The following VANGL2 variants were observed in gnomAD, a reference collection of about 807,000 sequenced individuals.
VANGL2 encodes vang-like protein 2.
A neutral mutation model predicts 50.2 loss-of-function variants in VANGL2; 14 were observed. The ratio of observed to expected loss-of-function variants is 0.28; its 90% CI spans 0.18 to 0.44. The LOEUF (loss-of-function observed/expected upper bound fraction) is 0.44, where lower values mean the gene tolerates loss of function less well. Among genes scored for constraint, VANGL2 ranks in the 20% least tolerant of loss-of-function variants. The probability of loss-of-function intolerance (pLI) is 1.00; values close to 1 mark genes in which losing one functional copy is unlikely to be tolerated. For missense variants in VANGL2, 533 were observed against 701.5 expected (o/e 0.76, Z 2.71); for synonymous variants, 295 against 297.2 (o/e 0.99, Z 0.08).
intron 1 of VANGL2, among the ~76,000 whole-genome samples, chr1:160,403,468 CCT>C (rs1178910318): frequency 1.3e-5 from 2 of 152,276 alleles, no homozygotes; most frequent in African/African-American, 2.4e-5. Flanking sequence ...CCGGGGCAGG[CCT>C]CTCTGGTGTG....
intron 4 of VANGL2, 140 bp from the exon 5 acceptor site, chr1:160,420,271 C>A: frequency 1.8e-6 from 2 of 1,134,520 alleles, no homozygotes; most frequent in Non-Finnish European, 2.6e-6. Flanking sequence ...AGACCTCAGG[C>A]CCGGAGTCAG....
chr1:160,411,824 G>C (rs1176235969), intron 1 of VANGL2, among the ~76,000 whole-genome samples: 2 of 152,068 alleles, frequency 1.3e-5, no homozygotes, highest in Non-Finnish European at 1.5e-5. Context: ...AATGGCATCA[G>C]TTTACCTTCT....
chr1:160,410,365 T>G lies in VANGL2; in HGVS notation c.-190-5283T>G, dbSNP rs375876034. Among the ~76,000 whole-genome samples, 39 of 152,238 alleles carry G rather than the reference T, an allele frequency of 2.6e-4. No homozygotes were observed. In the South Asian group the frequency reaches 4.8e-3, roughly 19 times the overall value. On this transcript the variant is annotated intron_variant, in intron 1 of 7. Transcript: ENST00000368061. ...CTGTCCCTGCCCCCCTTTTCTTCCGTGGCCTACTCACCCTGGTTTCCACAG... is the reference window on the plus strand; with the variant it reads ...CTGTCCCTGCCCCCCTTTTCTTCCGGGGCCTACTCACCCTGGTTTCCACAG...
intron 1 of VANGL2, among the ~76,000 whole-genome samples, chr1:160,403,068 G>C (rs1418793199): frequency 6.6e-6 from 1 of 152,096 alleles, no homozygotes; most frequent in Non-Finnish European, 1.5e-5. Context: ...AAGGCCTGGA[G>C]ATAAGAGTAG....
chr1:160,418,962 T>G, intron 3 of VANGL2, 40 bp from the exon 4 acceptor site: 2 of 1,581,054 alleles, frequency 1.3e-6, no homozygotes, highest in Non-Finnish European at 1.7e-6. Context: ...CTTCTTATCC[T>G]TTCCTCCTTA....
intron 3 of VANGL2, among the ~76,000 whole-genome samples, chr1:160,418,463 T>G (rs551222075): frequency 8.0e-4 from 122 of 152,188 alleles, no homozygotes; most frequent in Non-Finnish European, 1.5e-3. Context: ...TTTTTGTTTT[T>G]TTTTTTTAAA....
chr1:160,423,980 G>T, intron 6 of VANGL2, 72 bp from the exon 7 acceptor site: 1 of 1,550,956 alleles, frequency 6.4e-7, no homozygotes, highest in Non-Finnish European at 8.9e-7. Context: ...CTGGAGTGTT[G>T]GAGCTAGGGG....
At chr1:160,404,180 C>T (rs1296003321) in intron 1 of VANGL2, among the ~76,000 whole-genome samples, 1 of 152,166 alleles carries the variant, frequency 6.6e-6, no homozygotes, top group Non-Finnish European at 1.5e-5. Flanking sequence ...ATTAGGCACT[C>T]TCTCCTATCT....
chr1:160,415,678 C>A lies in VANGL2; in HGVS notation c.-160C>A. 1.2e-6 allele frequency: 1 copy of A among 808,120 alleles called. No individual in the cohort carries two copies. Among genetic ancestry groups the A allele is most frequent in the Admixed American group, 2.4e-5 (1 of 41,328 alleles). 50.1% of individuals were successfully genotyped at this position (808,120 alleles called of 1,614,324 possible). A position where few individuals can be genotyped will look rare whatever the true frequency, so the allele number is the denominator to read the frequency against. On this transcript the variant is annotated 5_prime_UTR_variant, in exon 2 of 8. Transcript: ENST00000368061. ...TCGCTGGATTTTCTCTGAGACAAGCCCACCCGTCCAGCAAAATAGAGTCCC... is the reference window on the plus strand; with the variant it reads ...TCGCTGGATTTTCTCTGAGACAAGCACACCCGTCCAGCAAAATAGAGTCCC...
At position 160,419,146 on chromosome 1, in the gene VANGL2, G is replaced by A; in HGVS notation, c.337G>A (p.Ala113Thr). Residue 113 changes from alanine (A) to threonine (T), a missense_variant, in exon 4 of 8, where the codon GCC becomes ACC. Coordinates refer to ENST00000368061, the MANE Select transcript of VANGL2 (RefSeq NM_020335.3). The surrounding 1 kb of genome is among the most constrained non-coding windows in gnomAD (Gnocchi z 5.8). ...CSRHLGVAAGATLALLSFLTP... is the reference protein window; with the variant it reads ...CSRHLGVAAGTTLALLSFLTP... ...CCGTCACCTGGGTGTGGCAGCGGGG[G>A]CCACCCTGGCACTGCTGTCTTTCCT... 6.2e-7 allele frequency: 1 copy of A among 1,614,156 alleles called. No homozygotes were observed. The highest frequency in any genetic ancestry group is 1.1e-5 in the South Asian group (1 of 91,086).
At position 160,415,772 on chromosome 1, in the gene VANGL2, G is replaced by A; in HGVS notation, c.-66G>A. 1.9e-6 allele frequency: 3 copies of A among 1,568,168 alleles called. No homozygotes were observed. Among genetic ancestry groups the A allele is most frequent in the Non-Finnish European group, 2.6e-6 (3 of 1,153,900 alleles). Reference sequence around the variant, plus strand: ...GAAGCCGGTGCTGAAGGAGGTGGCTGTGGGGCCCCCCAAGAGGCCCCAGCC... The same window carrying A: ...GAAGCCGGTGCTGAAGGAGGTGGCTATGGGGCCCCCCAAGAGGCCCCAGCC... On this transcript the variant is annotated 5_prime_UTR_variant, in exon 2 of 8. The change creates a new upstream start codon in the 5' untranslated region. Coordinates refer to ENST00000368061, the MANE Select transcript of VANGL2 (RefSeq NM_020335.3).
intron 1 of VANGL2, among the ~76,000 whole-genome samples, chr1:160,408,380 G>A (rs766133477): frequency 2.0e-5 from 3 of 152,306 alleles, no homozygotes; most frequent in Non-Finnish European, 4.4e-5. Flanking sequence ...AATTCAGGAC[G>A]TAGGTGGAGA....
chr1:160,403,595 G>T (rs1650556620), intron 1 of VANGL2, among the ~76,000 whole-genome samples: 2 of 152,168 alleles, frequency 1.3e-5, no homozygotes. Flanking sequence ...CAGTTAATGG[G>T]GAGGGAACTT....
Position 160,421,091 on chromosome 1 carries a change from T to C in VANGL2, c.977T>C (p.Val326Ala). Residue 326 changes from valine (V) to alanine (A), a missense_variant, in exon 6 of 8, where the codon GTG becomes GCG. Val to Ala is a moderately conservative substitution (Grantham distance 64, BLOSUM62 0). Transcript: ENST00000368061. ...AACTCCACTGGCCAGTCTCGGGCTGTGATTGCAGCGGCAGCTCGGAGGCGG... is the reference window on the plus strand; with the variant it reads ...AACTCCACTGGCCAGTCTCGGGCTGCGATTGCAGCGGCAGCTCGGAGGCGG... Reference protein sequence around the residue: ...TNNSTGQSRAVIAAAARRRDN... With the variant: ...TNNSTGQSRAAIAAAARRRDN... 1 of 1,614,120 alleles carries C rather than the reference T, an allele frequency of 6.2e-7. No homozygotes were observed.
At chr1:160,418,940 C>T in intron 3 of VANGL2, 62 bp from the exon 4 acceptor site, 5 of 1,545,784 alleles carry the variant, frequency 3.2e-6, no homozygotes, top group Admixed American at 1.9e-5. Flanking sequence ...CTCCTGTTTC[C>T]CTCCTCTTCC....
chr1:160,418,567 C>T (rs565450401), intron 3 of VANGL2, among the ~76,000 whole-genome samples: 1 of 152,006 alleles, frequency 6.6e-6, no homozygotes, highest in Non-Finnish European at 1.5e-5. Flanking sequence ...AGAACATCTT[C>T]CTTGGAGCCC....
chr1:160,407,992 G>T (rs1411423669), intron 1 of VANGL2, among the ~76,000 whole-genome samples: 5 of 152,226 alleles, frequency 3.3e-5, no homozygotes, highest in Admixed American at 3.3e-4. Flanking sequence ...GATGCCAGGG[G>T]CATTACTCAC....
chr1:160,408,595 A>T (rs1650768254), intron 1 of VANGL2, among the ~76,000 whole-genome samples: 1 of 151,988 alleles, frequency 6.6e-6, no homozygotes, highest in African/African-American at 2.4e-5. Context: ...CAGCCCAGTG[A>T]GGAGAAGGAT....
Position 160,420,491 on chromosome 1 carries a change from C to A in VANGL2, c.881C>A (p.Pro294His). 1 of 1,614,124 alleles carries A rather than the reference C, an allele frequency of 6.2e-7. No individual in the cohort carries two copies. The highest frequency in any genetic ancestry group is 8.5e-7 in the Non-Finnish European group (1 of 1,180,022). The change falls in exon 5 of 8, where the codon CCC (proline) becomes CAC (histidine). Residue 294 changes from proline (P) to histidine (H), a missense_variant. Coordinates refer to ENST00000368061, the MANE Select transcript of VANGL2 (RefSeq NM_020335.3). The part of the protein sequence containing the change: ...PVYNPALLNL[P>H]KSVLAKKVSG... ...TACAACCCTGCCCTCCTCAACCTGC[C>A]CAAGTCCGTCCTGGCCAAGAAAGTG...
Sources: allele counts gnomAD v4.1 joint callset (sites outside exome capture counted in the v4.1 genomes callset), GRCh38; gene constraint gnomAD v4.1.1; non-coding constraint Gnocchi (gnomAD v3.1); transcripts MANE v1.5; gene names NCBI Gene and HGNC (gene_info 2026-07-23, HGNC 2026-07-21).